Variants in TAFA1 observed in about 807,000 individuals in gnomAD.
The protein encoded by TAFA1 is chemokine-like protein TAFA-1.
Under a neutral mutation model 18.5 loss-of-function variants are expected in TAFA1, and 4 were observed. That is an observed-to-expected ratio of 0.22 (90% CI 0.11 to 0.49). The LOEUF (loss-of-function observed/expected upper bound fraction) is 0.49. TAFA1 is among the 20% of genes least tolerant of loss of function. TAFA1 has a pLI of 0.98. For synonymous variants in TAFA1, 56 were observed against 55.2 expected (o/e 1.01, Z -0.06); for missense variants, 147 against 169.0 (o/e 0.87, Z 0.72).
rs1415858701 is a variant in TAFA1 at position 68,406,657 on chromosome 3, A to G, written c.119-10623A>G. Among the ~76,000 whole-genome samples the G allele has an allele frequency of 2.6e-5, 4 of 152,202 alleles. No individual in the cohort carries two copies. In the East Asian group the frequency reaches 7.7e-4, roughly 29 times the overall value. On this transcript the variant is annotated intron_variant, in intron 2 of 4. Transcript: ENST00000478136. ...AGTCTACATCAAGCAAGCAAATTTG[A>G]GGACAGAGAATAGAAAAGTGGAGAT...
At chr3:68,038,684 T>A (rs1705103296) in intron 2 of TAFA1, among the ~76,000 whole-genome samples, 4 of 152,126 alleles carry the variant, frequency 2.6e-5, no homozygotes, top group African/African-American at 9.6e-5. Flanking sequence ...AAAAAAACTT[T>A]AAAAAAACTA....
chr3:68,055,400 C>A (rs1018020347), intron 2 of TAFA1, among the ~76,000 whole-genome samples: 1 of 152,140 alleles, frequency 6.6e-6, no homozygotes, highest in African/African-American at 2.4e-5. Flanking sequence ...CTATATTTTG[C>A]TCCCTTCCCC....
In TAFA1 at chr3:68,062,943, G is replaced by A. The variant is rs145112231; in HGVS notation, c.118+56199G>A. Among the ~76,000 whole-genome samples the A allele has an allele frequency of 1.2e-3, 185 of 152,282 alleles. 1 individual carries two copies. The highest frequency in any genetic ancestry group is 4.3e-3 in the African/African-American group (177 of 41,548). On this transcript the variant is annotated intron_variant, in intron 2 of 4. Transcript: ENST00000478136. ...TGACAGTCTTCAGTGGCAGTCTTAAGTCTGAACTTTATCGTCTAACAGGTG... is the reference window on the plus strand; with the variant it reads ...TGACAGTCTTCAGTGGCAGTCTTAAATCTGAACTTTATCGTCTAACAGGTG...
chr3:68,316,788 T>G (rs189743017), intron 2 of TAFA1, among the ~76,000 whole-genome samples: 3 of 152,322 alleles, frequency 2.0e-5, no homozygotes, highest in African/African-American at 7.2e-5. Context: ...TTGGTGAAGT[T>G]GAACTGTGTG....
intron 3 of TAFA1, among the ~76,000 whole-genome samples, chr3:68,419,527 A>G (rs750991613): frequency 7.2e-5 from 11 of 152,126 alleles, no homozygotes; most frequent in Non-Finnish European, 1.5e-4. Flanking sequence ...GGGACTATAA[A>G]TCTCTCCTCC....
chr3:68,059,012 T>G (rs2064569053), intron 2 of TAFA1, among the ~76,000 whole-genome samples: 1 of 152,118 alleles, frequency 6.6e-6, no homozygotes, highest in Non-Finnish European at 1.5e-5. Flanking sequence ...TGATAATGAG[T>G]AATAAGTTAT....
chr3:68,140,511 C>T (rs1347630807), intron 2 of TAFA1, among the ~76,000 whole-genome samples: 2 of 152,196 alleles, frequency 1.3e-5, no homozygotes, highest in African/African-American at 4.8e-5. Flanking sequence ...GTATTACCAA[C>T]TCTTCTCCCA....
intron 2 of TAFA1, among the ~76,000 whole-genome samples, chr3:68,082,340 CT>C (rs759474461): frequency 1.2e-4 from 19 of 152,304 alleles, no homozygotes; most frequent in Non-Finnish European, 1.9e-4. Flanking sequence ...CTCCTCCCCC[CT>C]GTTCCTACTT....
chr3:68,244,383 T>C (rs2067039345), intron 2 of TAFA1, among the ~76,000 whole-genome samples: 2 of 152,328 alleles, frequency 1.3e-5, no homozygotes, highest in African/African-American at 4.8e-5. Flanking sequence ...TTTAGTGTTT[T>C]ATCTTTTAGA....
intron 3 of TAFA1, among the ~76,000 whole-genome samples, chr3:68,528,436 G>A (rs1020662231): frequency 2.6e-5 from 4 of 152,162 alleles, no homozygotes; most frequent in African/African-American, 9.7e-5. Flanking sequence ...CCTTAAATAT[G>A]TGCTCATAGA....
intron 2 of TAFA1, among the ~76,000 whole-genome samples, chr3:68,271,832 T>TCACACA (rs199850511): frequency 6.9e-6 from 1 of 144,548 alleles, no homozygotes; most frequent in African/African-American, 2.7e-5. Context: ...TCTCTCTCTC[T>TCACACA]CTCTCACACA....
At chr3:68,075,704 T>C (rs2064814959) in intron 2 of TAFA1, among the ~76,000 whole-genome samples, 1 of 151,746 alleles carries the variant, frequency 6.6e-6, no homozygotes, top group Admixed American at 6.6e-5. Flanking sequence ...TTCCCTTTTT[T>C]TTTTTTTTTT....
intron 2 of TAFA1, among the ~76,000 whole-genome samples, chr3:68,062,246 G>A (rs1195535179): frequency 1.3e-5 from 2 of 152,128 alleles, no homozygotes; most frequent in African/African-American, 4.8e-5. Context: ...ACAGGGGATG[G>A]TGAGGACTGC....
intron 3 of TAFA1, among the ~76,000 whole-genome samples, chr3:68,523,713 T>C (rs936847140): frequency 6.6e-6 from 1 of 152,224 alleles, no homozygotes; most frequent in African/African-American, 2.4e-5. Flanking sequence ...TTTAAGTGTA[T>C]TATGGAAAAG....
At chr3:68,133,495 A>C (rs1189061613) in intron 2 of TAFA1, among the ~76,000 whole-genome samples, 1 of 152,148 alleles carries the variant, frequency 6.6e-6, no homozygotes, top group East Asian at 1.9e-4. Flanking sequence ...CTTCTGATCC[A>C]TGAACATGGA....
At chr3:68,248,007 C>G (rs1207974042) in intron 2 of TAFA1, among the ~76,000 whole-genome samples, 1 of 152,086 alleles carries the variant, frequency 6.6e-6, no homozygotes, top group African/African-American at 2.4e-5. Context: ...AATATTGAAC[C>G]ACTGTTGGCT....
intron 2 of TAFA1, among the ~76,000 whole-genome samples, chr3:68,084,951 T>A (rs973039904): frequency 6.6e-6 from 1 of 152,200 alleles, no homozygotes; most frequent in African/African-American, 2.4e-5. Context: ...TTAGAGTCAC[T>A]GCTGTATGTA....
intron 2 of TAFA1, among the ~76,000 whole-genome samples, chr3:68,276,369 C>A (rs926530297): frequency 6.6e-5 from 10 of 152,128 alleles, no homozygotes; most frequent in African/African-American, 2.4e-4. Context: ...TGGTAGCATT[C>A]CCCTCTTGCG....
intron 2 of TAFA1, among the ~76,000 whole-genome samples, chr3:68,138,616 C>T (rs1232906990): frequency 6.6e-6 from 1 of 152,178 alleles, no homozygotes; most frequent in Non-Finnish European, 1.5e-5. Flanking sequence ...AATCCTAACT[C>T]CACCACTTAT....
Sources: allele counts gnomAD v4.1 joint callset (sites outside exome capture counted in the v4.1 genomes callset), GRCh38; gene constraint gnomAD v4.1.1; transcripts MANE v1.5; gene names NCBI Gene and HGNC (gene_info 2026-07-23, HGNC 2026-07-21).